EYS: variants seen among roughly 807,000 people sequenced by gnomAD.
The protein encoded by EYS is EGF-like photoreceptor maintenance factor, also known as protein eyes shut homolog.
A neutral mutation model predicts 282.1 loss-of-function variants in EYS; 250 were observed. That is an observed-to-expected ratio of 0.89 (90% CI 0.80 to 0.98). The LOEUF (loss-of-function observed/expected upper bound fraction) is 0.98, where lower values mean the gene tolerates loss of function less well. EYS is among the 50% of genes least tolerant of loss of function. The probability of loss-of-function intolerance (pLI) is 0.00; values close to 1 mark genes in which losing one functional copy is unlikely to be tolerated. For missense variants in EYS, 4,016 were observed against 3,709.0 expected, an observed-to-expected ratio of 1.08 and a Z score of -2.15; for synonymous variants, 1,355 against 1,282.9, an observed-to-expected ratio of 1.06 and a Z score of -1.20.
intron 29 of EYS, among the ~76,000 whole-genome samples, chr6:64,342,595 C>T (rs2150397554): frequency 6.6e-6 from 1 of 152,062 alleles, no homozygotes; most frequent in African/African-American, 2.4e-5. Flanking sequence ...CAACCGGTAC[C>T]AGCCACTGCA....
chr6:64,592,684 T>C (rs1490985695), intron 25 of EYS, among the ~76,000 whole-genome samples: 1 of 152,108 alleles, frequency 6.6e-6, no homozygotes, highest in Non-Finnish European at 1.5e-5. Flanking sequence ...CAGCCTGAAG[T>C]TGTTAAAATA....
chr6:64,189,011 A>C (rs1277837620), intron 31 of EYS, among the ~76,000 whole-genome samples: 2 of 152,176 alleles, frequency 1.3e-5, no homozygotes, highest in Non-Finnish European at 2.9e-5. Flanking sequence ...AATCATTGTT[A>C]GATAATAATA....
chr6:64,195,368 T>C (rs1385298281), intron 31 of EYS, among the ~76,000 whole-genome samples: 6 of 152,312 alleles, frequency 3.9e-5, no homozygotes, highest in African/African-American at 1.4e-4. Context: ...AGAGGCACGA[T>C]CTCAGGTCAC....
rs1262089250 is a variant in EYS at position 64,681,505 on chromosome 6, CAGTT to C, written c.3444-55264_3444-55261del. 2.6e-5 allele frequency among the ~76,000 whole-genome samples: 4 copies of C among 152,152 alleles called. No individual in the cohort carries two copies. In the East Asian group the frequency reaches 7.7e-4, roughly 29 times the overall value. On this transcript the variant is annotated intron_variant, in intron 22 of 42. Transcript: ENST00000503581. ...AAATGCTACAATTTAGGTAGTTAGG[CAGTT>C]AGACAGGCATGAGTGGGGCTGGCGA... is the stretch of plus-strand genomic sequence containing the variant.
chr6:65,544,619 C>G (rs1332771550), intron 2 of EYS, among the ~76,000 whole-genome samples: 1 of 152,190 alleles, frequency 6.6e-6, no homozygotes, highest in Non-Finnish European at 1.5e-5. Context: ...CCCTGAAGAA[C>G]TGTGACACAA....
intron 29 of EYS, among the ~76,000 whole-genome samples, chr6:64,371,075 C>T (rs1644609549): frequency 6.6e-6 from 1 of 151,840 alleles, no homozygotes. Context: ...TTGGTTTGCT[C>T]TTGTTTTTCT....
chr6:65,214,464 G>T (rs2150254428), intron 12 of EYS, among the ~76,000 whole-genome samples: 1 of 152,316 alleles, frequency 6.6e-6, no homozygotes, highest in South Asian at 2.1e-4. Context: ...GAGAGGTGAG[G>T]AAGCTACAGA....
chr6:64,652,992 T>C (rs1241557265), intron 22 of EYS, among the ~76,000 whole-genome samples: 1 of 152,190 alleles, frequency 6.6e-6, no homozygotes, highest in Non-Finnish European at 1.5e-5. Context: ...TTTGAAGTCC[T>C]AATTCTCAGT....
chr6:64,808,851 A>C (rs935007309), intron 22 of EYS, among the ~76,000 whole-genome samples: 1 of 152,140 alleles, frequency 6.6e-6, no homozygotes, highest in Non-Finnish European at 1.5e-5. Context: ...TCATGAGAAA[A>C]ATCAGCAATG....
At chr6:64,245,535 C>CA (rs1177497652) in intron 30 of EYS, among the ~76,000 whole-genome samples, 1 of 149,314 alleles carries the variant, frequency 6.7e-6, no homozygotes, top group Non-Finnish European at 1.5e-5. Flanking sequence ...CTTCCTCTTT[C>CA]ATTTCTTAAA....
At chr6:65,022,940 C>T (rs1358499073) in intron 13 of EYS, among the ~76,000 whole-genome samples, 8 of 151,686 alleles carry the variant, frequency 5.3e-5, no homozygotes, top group Non-Finnish European at 7.4e-5. Context: ...TCACAAAAGA[C>T]CACATATTGT....
intron 37 of EYS, among the ~76,000 whole-genome samples, chr6:63,794,131 A>G (rs1770584081): frequency 6.6e-6 from 1 of 152,210 alleles, no homozygotes; most frequent in African/African-American, 2.4e-5. Context: ...AGAAGGGATA[A>G]TAATATCTCT....
At chr6:65,487,615 G>T in intron 5 of EYS, among the ~76,000 whole-genome samples, 1 of 152,020 alleles carries the variant, frequency 6.6e-6, no homozygotes, top group East Asian at 1.9e-4. Context: ...TGTTCATCAG[G>T]GATATTGACC....
intron 5 of EYS, among the ~76,000 whole-genome samples, chr6:65,411,770 T>C (rs892793692): frequency 2.0e-5 from 3 of 151,986 alleles, no homozygotes; most frequent in Non-Finnish European, 2.9e-5. Flanking sequence ...CCTCTTGTTA[T>C]AATGCCCTTG....
rs569220524 is a variant in EYS at position 63,957,815 on chromosome 6, C to A, written c.7055+26568G>T. On this transcript the variant is annotated intron_variant, in intron 35 of 42. Transcript: ENST00000503581. ...AAATGTATGAAAGCTAGACTTGACA[C>A]TCAAACATTTTATCAAAAAGTTCTG... is the stretch of plus-strand genomic sequence containing the variant. Among the ~76,000 whole-genome samples the A allele has an allele frequency of 1.8e-4, 26 of 140,562 alleles. 5 individuals carry two copies. Among genetic ancestry groups the A allele is most frequent in the Non-Finnish European group, 2.9e-4 (18 of 61,856 alleles). 92.2% of individuals were successfully genotyped at this position (140,562 alleles called of 152,430 possible).
At chr6:65,397,582 T>C (rs1157821744) in intron 7 of EYS, among the ~76,000 whole-genome samples, 1 of 115,366 alleles carries the variant, frequency 8.7e-6, no homozygotes, top group East Asian at 2.6e-4. Context: ...TTGTATTTCA[T>C]GGTGTGTGTG....
At chr6:64,070,613 G>GTCTA (rs1284637761) in intron 32 of EYS, among the ~76,000 whole-genome samples, 9 of 151,942 alleles carry the variant, frequency 5.9e-5, no homozygotes, top group Non-Finnish European at 1.2e-4. Context: ...TTTTCATAGT[G>GTCTA]TCTAGTTAAA....
chr6:64,435,176 A>G (rs1774699592), intron 28 of EYS, among the ~76,000 whole-genome samples: 1 of 152,110 alleles, frequency 6.6e-6, no homozygotes, highest in Non-Finnish European at 1.5e-5. Context: ...TAAGAAAAAA[A>G]AGAAAAAAGA....
chr6:64,098,114 C>T lies in EYS; in HGVS notation c.6425-16112G>A, dbSNP rs534197313. ...TACAACACATTGGAAAACTATTTGG[C>T]AGTATCCAGTAATAATTAAGAAGTA... On this transcript the variant is annotated intron_variant, in intron 31 of 42. Transcript: ENST00000503581. 1.1e-4 allele frequency among the ~76,000 whole-genome samples: 16 copies of T among 152,282 alleles called. 1 individual carries two copies. The South Asian group carries it at 2.3e-3, about 22-fold the overall frequency.
Sources: allele counts gnomAD v4.1 joint callset (sites outside exome capture counted in the v4.1 genomes callset), GRCh38; gene constraint gnomAD v4.1.1; transcripts MANE v1.5; gene names NCBI Gene and HGNC (gene_info 2026-07-23, HGNC 2026-07-21).